The following PGM1 variants were observed in gnomAD, a reference collection of about 807,000 sequenced individuals.
PGM1 encodes the protein phosphoglucomutase-1.
Under a neutral mutation model 55.6 loss-of-function variants are expected in PGM1, and 52 were observed. The ratio of observed to expected loss-of-function variants is 0.94; its 90% CI spans 0.75 to 1.18. PGM1 has a LOEUF of 1.18. PGM1 is among the 50% of genes most tolerant of loss of function. The pLI is 0.00. For synonymous variants in PGM1, 287 were observed against 271.7 expected (o/e 1.06, Z -0.55); for missense variants, 724 against 729.3 (o/e 0.99, Z 0.08).
chr1:63,645,880 C>T (rs1353041311), intron 7 of PGM1, among the ~76,000 whole-genome samples: 1 of 152,158 alleles, frequency 6.6e-6, no homozygotes, highest in African/African-American at 2.4e-5. Flanking sequence ...CTATGCTAGT[C>T]ACCAGACTTA....
intron 1 of PGM1, among the ~76,000 whole-genome samples, chr1:63,622,549 A>G (rs1648909710): frequency 1.3e-5 from 2 of 152,238 alleles, no homozygotes; most frequent in African/African-American, 4.8e-5. Flanking sequence ...TTTTCTAAAT[A>G]AAAACTCGAT....
chr1:63,622,481 A>G (rs1648908239), intron 1 of PGM1, among the ~76,000 whole-genome samples: 1 of 152,262 alleles, frequency 6.6e-6, no homozygotes, highest in African/African-American at 2.4e-5. Context: ...ATTTTATTAA[A>G]AGTCAAGTAT....
chr1:63,654,961 ATC>A (rs1487962703), intron 10 of PGM1, among the ~76,000 whole-genome samples: 1 of 147,768 alleles, frequency 6.8e-6, no homozygotes, highest in Non-Finnish European at 1.5e-5. Flanking sequence ...AGGATAATGA[ATC>A]TCTCTTTTTT....
At chr1:63,614,919 A>G (rs1276855893) in intron 1 of PGM1, among the ~76,000 whole-genome samples, 1 of 151,520 alleles carries the variant, frequency 6.6e-6, no homozygotes, top group African/African-American at 2.4e-5. Flanking sequence ...AGCAGGCATC[A>G]TTGTCCTTAC....
Position 63,627,067 on chromosome 1 carries a change from ACACAC to A in PGM1, c.247-2357_247-2353del, listed in dbSNP as rs1649042705. Among the ~76,000 whole-genome samples, 17 of 47,846 alleles carry A rather than the reference ACACAC, an allele frequency of 3.6e-4. 1 individual carries two copies. In the Admixed American group the frequency reaches 3.9e-3, roughly 11 times the overall value. The allele number at this position is 47,846 out of a possible 152,430, so 31.4% of individuals were successfully genotyped here. A position where few individuals can be genotyped will look rare whatever the true frequency, so the allele number is the denominator to read the frequency against. On this transcript the variant is annotated intron_variant, in intron 1 of 10. Transcript: ENST00000371084. ...CATATGGCAGGACCCCCCCCCCCCC[ACACAC>A]ACACACACTTTTAAGGCTGAATAAT...
chr1:63,604,917 CTGTGT>C (rs1339909616), intron 1 of PGM1, among the ~76,000 whole-genome samples: 28 of 118,836 alleles, frequency 2.4e-4, no homozygotes, highest in South Asian at 1.2e-3. Flanking sequence ...TTACATAACT[CTGTGT>C]GTGTGTGTGT....
chr1:63,596,504 TC>T (rs1648076603), intron 1 of PGM1, among the ~76,000 whole-genome samples: 1 of 152,008 alleles, frequency 6.6e-6, no homozygotes, highest in Admixed American at 6.6e-5. Flanking sequence ...TGATCCACCC[TC>T]CTCGGCCTCC....
chr1:63,612,452 C>CA (rs1409485632), intron 1 of PGM1, among the ~76,000 whole-genome samples: 1 of 151,960 alleles, frequency 6.6e-6, no homozygotes, highest in Non-Finnish European at 1.5e-5. Context: ...TTTATAGACG[C>CA]AAAAAAAATT....
intron 7 of PGM1, among the ~76,000 whole-genome samples, chr1:63,645,832 C>G (rs914190596): frequency 6.6e-6 from 1 of 152,160 alleles, no homozygotes; most frequent in Non-Finnish European, 1.5e-5. Flanking sequence ...TTCATTCACA[C>G]AGTCTTTCAT....
At chr1:63,657,723 T>C (rs565279927) in intron 10 of PGM1, among the ~76,000 whole-genome samples, 2 of 152,306 alleles carry the variant, frequency 1.3e-5, no homozygotes, top group East Asian at 3.9e-4. Context: ...AGTAGTATAG[T>C]TGCTTTTATT....
chr1:63,657,389 G>T (rs903115808), intron 10 of PGM1, among the ~76,000 whole-genome samples: 1 of 152,120 alleles, frequency 6.6e-6, no homozygotes, highest in Non-Finnish European at 1.5e-5. Context: ...TGTTACCGGG[G>T]TTTAAGGAGA....
chr1:63,654,524 C>T (rs1026469579), intron 10 of PGM1, 58 bp downstream of exon 10: 143 of 1,579,394 alleles, frequency 9.1e-5, no homozygotes, highest in Middle Eastern at 1.8e-4. Context: ...TGATAGTTTC[C>T]CATTGAGCCT....
At position 63,596,207 on chromosome 1, in the gene PGM1, C is replaced by T. The variant is rs1648061787; in HGVS notation, c.246+2473C>T. 1.3e-5 allele frequency among the ~76,000 whole-genome samples: 2 copies of T among 150,806 alleles called. 1 individual carries two copies. Among genetic ancestry groups the T allele is most frequent in the South Asian group, 4.2e-4 (2 of 4,776 alleles). ...AGTTCCTTCATGGGCTGCACATTGA[C>T]TATCCCCTAGGTTTCTTTCTTCTTT... On this transcript the variant is annotated intron_variant, in intron 1 of 10. Transcript: ENST00000371084.
At chr1:63,618,443 A>G (rs1029236400) in intron 1 of PGM1, among the ~76,000 whole-genome samples, 4 of 152,238 alleles carry the variant, frequency 2.6e-5, no homozygotes, top group African/African-American at 9.6e-5. Flanking sequence ...ACTTAATTAT[A>G]AACTGGAACC....
At chr1:63,603,473 CAA>C (rs1405209828) in intron 1 of PGM1, among the ~76,000 whole-genome samples, 2 of 152,194 alleles carry the variant, frequency 1.3e-5, no homozygotes, top group East Asian at 1.9e-4. Flanking sequence ...CAATGTAAAA[CAA>C]GAGGCAAAAT....
intron 7 of PGM1, among the ~76,000 whole-genome samples, chr1:63,639,380 G>A (rs1361495166): frequency 6.6e-6 from 1 of 151,642 alleles, no homozygotes; most frequent in Non-Finnish European, 1.5e-5. Context: ...GTGAAAGAAG[G>A]GTACATAGTA....
chr1:63,635,971 G>C (rs113973495), intron 5 of PGM1, among the ~76,000 whole-genome samples: 22 of 152,324 alleles, frequency 1.4e-4, no homozygotes, highest in Middle Eastern at 3.4e-3. Flanking sequence ...CCTCTGGAGG[G>C]AGAACAGAGG....
At chr1:63,608,358 A>G (rs1336040858) in intron 1 of PGM1, among the ~76,000 whole-genome samples, 3 of 152,208 alleles carry the variant, frequency 2.0e-5, no homozygotes, top group Non-Finnish European at 4.4e-5. Context: ...ACAAAATGGG[A>G]AGGTTTGTTA....
intron 4 of PGM1, among the ~76,000 whole-genome samples, chr1:63,633,943 T>A (rs1189181581): frequency 9.7e-5 from 12 of 123,360 alleles, no homozygotes; most frequent in African/African-American, 2.7e-4. Flanking sequence ...TTTTTTTTTT[T>A]TTTTTTTTTT....
Sources: allele counts gnomAD v4.1 joint callset (sites outside exome capture counted in the v4.1 genomes callset), GRCh38; gene constraint gnomAD v4.1.1; transcripts MANE v1.5; gene names NCBI Gene and HGNC (gene_info 2026-07-23, HGNC 2026-07-21).